The following SEMA3A variants were observed in gnomAD, a reference collection of about 807,000 sequenced individuals.
The protein encoded by SEMA3A is semaphorin 3A, also known as semaphorin-3A.
SEMA3A carries 29 observed loss-of-function variants against 97.9 expected under a neutral mutation model. The observed-to-expected ratio is 0.30, with a 90% CI of 0.22 to 0.40. The LOEUF is 0.40. Ranked by LOEUF, SEMA3A falls within the 10% of genes least tolerant of loss-of-function variation. The pLI is 1.00. For missense variants in SEMA3A, 763 were observed against 951.3 expected, an observed-to-expected ratio of 0.80 and a Z score of 2.60; for synonymous variants, 321 against 323.7, an observed-to-expected ratio of 0.99 and a Z score of 0.09.
chr7:84,265,998 TTTG>T (rs1799988987), intron 3 of SEMA3A, among the ~76,000 whole-genome samples: 1 of 152,026 alleles, frequency 6.6e-6, no homozygotes, highest in Non-Finnish European at 1.5e-5. Context: ...CCACGGACTA[TTTG>T]GATAGGTCAG....
At chr7:84,180,087 C>T (rs1162499006) in intron 1 of SEMA3A, among the ~76,000 whole-genome samples, 1 of 150,184 alleles carries the variant, frequency 6.7e-6, no homozygotes, top group Non-Finnish European at 1.5e-5. Flanking sequence ...GCTGGGATTA[C>T]AGGCATGTGC....
At chr7:83,971,819 T>A (rs185263449) in intron 15 of SEMA3A, among the ~76,000 whole-genome samples, 1 of 152,326 alleles carries the variant, frequency 6.6e-6, no homozygotes, top group African/African-American at 2.4e-5. Flanking sequence ...CTGGCTAAAA[T>A]TTTAATTTTA....
At chr7:84,004,003 A>ACTT (rs768590599) in intron 11 of SEMA3A, among the ~76,000 whole-genome samples, 47 of 152,196 alleles carry the variant, frequency 3.1e-4, no homozygotes, top group Non-Finnish European at 6.0e-4. Flanking sequence ...TTGTTATAAA[A>ACTT]CTTTAAGTCT....
intron 1 of SEMA3A, among the ~76,000 whole-genome samples, chr7:84,433,015 AGTGTATAATG>A (rs1209247654): frequency 2.6e-5 from 4 of 151,960 alleles, no homozygotes; most frequent in African/African-American, 2.4e-5. Flanking sequence ...TTCCTACCAC[AGTGTATAATG>A]GTTTCCTTCC....
intron 3 of SEMA3A, among the ~76,000 whole-genome samples, chr7:84,294,755 CTG>C (rs924208990): frequency 6.6e-6 from 1 of 152,060 alleles, no homozygotes; most frequent in African/African-American, 2.4e-5. Flanking sequence ...TTCAATCAAA[CTG>C]TCAGATACTT....
At chr7:83,979,596 A>ATAAG (rs1248177457) in intron 14 of SEMA3A, among the ~76,000 whole-genome samples, 1 of 152,206 alleles carries the variant, frequency 6.6e-6, no homozygotes, top group East Asian at 1.9e-4. Context: ...TATCTCCACA[A>ATAAG]TAAGTTTTAT....
intron 3 of SEMA3A, among the ~76,000 whole-genome samples, chr7:84,280,913 A>T (rs1800425646): frequency 6.6e-6 from 1 of 152,144 alleles, no homozygotes; most frequent in South Asian, 2.1e-4. Context: ...GTATTTATTT[A>T]TTTTTGCCCT....
intron 3 of SEMA3A, among the ~76,000 whole-genome samples, chr7:84,260,044 C>A (rs772236297): frequency 2.6e-5 from 4 of 151,980 alleles, no homozygotes; most frequent in Non-Finnish European, 5.9e-5. Context: ...TTTGTTGCAT[C>A]TACAACAAAC....
At chr7:84,233,011 G>A (rs914729755) in intron 3 of SEMA3A, among the ~76,000 whole-genome samples, 1 of 151,956 alleles carries the variant, frequency 6.6e-6, no homozygotes, top group Non-Finnish European at 1.5e-5. Flanking sequence ...ACCCCTAGGA[G>A]AATGACAAGT....
Position 84,005,430 on chromosome 7 carries a change from G to T in SEMA3A, c.1269C>A (p.Ile423=). The T allele has an allele frequency of 1.2e-6, 2 of 1,613,682 alleles. No individual in the cohort carries two copies. Among genetic ancestry groups the T allele is most frequent in the South Asian group, 1.1e-5 (1 of 91,060 alleles). ...TAAATTGATAATTTACATCCGTTTT[G>T]ATCACTATTGGGCGATTGTTCATAG... The part of the protein sequence containing the change: ...VFPMNNRPIV[I]KTDVNYQFTQ... The change falls in exon 11 of 17, where the codon ATC becomes ATA. Residue 423 remains isoleucine, a synonymous_variant. Transcript: ENST00000265362.
intron 3 of SEMA3A, among the ~76,000 whole-genome samples, chr7:84,123,637 G>GA (rs1269932565): frequency 2.0e-5 from 3 of 148,012 alleles, no homozygotes; most frequent in Admixed American, 6.8e-5. Flanking sequence ...ACTCTATATA[G>GA]AAAAAATATA....
Position 83,977,059 on chromosome 7 carries a change from C to A in SEMA3A, c.1717+73G>T. ...TTCTGAGAGATGCATACATTGCATG[C>A]ATATGCATGAATATGCATTATTATG... On this transcript the variant is annotated intron_variant, in intron 15 of 16. Transcript: ENST00000265362. The A allele has an allele frequency of 5.2e-6, 4 of 764,890 alleles. No individual in the cohort carries two copies. In the South Asian group the frequency reaches 9.7e-5, roughly 19 times the overall value. 47.4% of individuals were successfully genotyped at this position (764,890 alleles called of 1,614,324 possible). A position where few individuals can be genotyped will look rare whatever the true frequency, so the allele number is the denominator to read the frequency against.
chr7:84,397,457 G>A (rs141266815), intron 1 of SEMA3A, among the ~76,000 whole-genome samples: 6,667 of 146,800 alleles, frequency 0.045, 345 homozygotes, highest in East Asian at 0.19. Flanking sequence ...CATATATAAC[G>A]TATACATAAT....
intron 6 of SEMA3A, among the ~76,000 whole-genome samples, chr7:84,028,057 G>A (rs1199176589): frequency 1.3e-5 from 2 of 152,120 alleles, no homozygotes; most frequent in African/African-American, 2.4e-5. Flanking sequence ...AGGGTGTACC[G>A]ATGTCCGAAG....
intron 1 of SEMA3A, among the ~76,000 whole-genome samples, chr7:84,381,849 T>C (rs1431734548): frequency 6.6e-6 from 1 of 152,178 alleles, no homozygotes; most frequent in African/African-American, 2.4e-5. Context: ...GTCTTAAATT[T>C]GGGGCAGATA....
intron 7 of SEMA3A, among the ~76,000 whole-genome samples, chr7:84,012,472 C>T (rs1452960086): frequency 6.6e-6 from 1 of 152,090 alleles, no homozygotes; most frequent in Non-Finnish European, 1.5e-5. Context: ...GAGATCTAAC[C>T]TACATAGGCT....
intron 2 of SEMA3A, among the ~76,000 whole-genome samples, chr7:84,325,711 T>C (rs531333756): frequency 6.6e-6 from 1 of 152,208 alleles, no homozygotes; most frequent in African/African-American, 2.4e-5. Context: ...TATTTTATTT[T>C]AGATAATAAA....
chr7:84,074,212 G>A (rs538756187), intron 4 of SEMA3A, among the ~76,000 whole-genome samples: 1 of 152,080 alleles, frequency 6.6e-6, no homozygotes, highest in Admixed American at 6.6e-5. Flanking sequence ...TTGGTTTCCT[G>A]GCCTGTATGA....
At chr7:84,061,427 A>C (rs2527041) in intron 4 of SEMA3A, among the ~76,000 whole-genome samples, 2 of 152,066 alleles carry the variant, frequency 1.3e-5, no homozygotes, top group Admixed American at 6.6e-5. Context: ...TCTATATGTG[A>C]CAGTGGAGTA....
Sources: allele counts gnomAD v4.1 joint callset (sites outside exome capture counted in the v4.1 genomes callset), GRCh38; gene constraint gnomAD v4.1.1; transcripts MANE v1.5; gene names NCBI Gene and HGNC (gene_info 2026-07-23, HGNC 2026-07-21).